Variants in ACCSL observed in about 807,000 individuals in gnomAD.
The protein encoded by ACCSL is 1-aminocyclopropane-1-carboxylate synthase homolog (inactive) like, also known as probable inactive 1-aminocyclopropane-1-carboxylate synthase-like protein 2.
ACCSL carries 55 observed loss-of-function variants against 61.7 expected under a neutral mutation model. The observed-to-expected ratio is 0.89, with a 90% CI of 0.72 to 1.12. The LOEUF is 1.12. Ranked by LOEUF, ACCSL falls within the 50% of genes most tolerant of loss-of-function variation. The probability of loss-of-function intolerance (pLI) is 0.00; values close to 1 mark genes in which losing one functional copy is unlikely to be tolerated. For synonymous variants in ACCSL, 258 were observed against 264.3 expected, an observed-to-expected ratio of 0.98 and a Z score of 0.23; for missense variants, 632 against 698.0, an observed-to-expected ratio of 0.91 and a Z score of 1.07.
At chr11:43,970,529 G>A in the ACCSL span, among the ~76,000 whole-genome samples, 2 of 152,270 alleles carry the variant, frequency 1.3e-5, no homozygotes, top group African/African-American at 2.4e-5. Flanking sequence ...GAGAACATAC[G>A]TCTCATTCCT....
chr11:43,935,693 A>G, the ACCSL span, among the ~76,000 whole-genome samples: 163 of 152,260 alleles, frequency 1.1e-3, no homozygotes, highest in African/African-American at 3.8e-3. Context: ...CTATGTTACT[A>G]TGTTGCTCAG....
At chr11:44,015,536 G>C in the ACCSL span, among the ~76,000 whole-genome samples, 1 of 152,224 alleles carries the variant, frequency 6.6e-6, no homozygotes, top group East Asian at 1.9e-4. Context: ...ACAAGACGCC[G>C]GCCCAAGACA....
At chr11:43,929,726 G>A in the ACCSL span, among the ~76,000 whole-genome samples, 72 of 152,236 alleles carry the variant, frequency 4.7e-4, no homozygotes, top group South Asian at 0.014. Context: ...TAAATTTTTT[G>A]TAGAGATGAG....
the ACCSL span, among the ~76,000 whole-genome samples, chr11:43,988,992 T>C: frequency 6.6e-6 from 1 of 151,938 alleles, no homozygotes; most frequent in Non-Finnish European, 1.5e-5. Context: ...GGTGTGACAG[T>C]GCGAAAGATT....
the ACCSL span, among the ~76,000 whole-genome samples, chr11:44,030,281 C>T: frequency 5.3e-5 from 8 of 151,326 alleles, no homozygotes; most frequent in African/African-American, 1.9e-4. Flanking sequence ...TTTCTTTCTC[C>T]CCTTCACTAC....
the ACCSL span, chr11:43,974,068 T>A: frequency 6.6e-6 from 1 of 152,218 alleles, no homozygotes; most frequent in African/African-American, 2.4e-5. Flanking sequence ...CTGAGAACAA[T>A]GCTTGGCAAA....
At chr11:44,031,038 T>C in the ACCSL span, among the ~76,000 whole-genome samples, 1 of 152,174 alleles carries the variant, frequency 6.6e-6, no homozygotes, top group Non-Finnish European at 1.5e-5. Flanking sequence ...CTGACTGTTG[T>C]TTCCCTCCAT....
the ACCSL span, among the ~76,000 whole-genome samples, chr11:43,992,728 AC>A: frequency 6.6e-6 from 1 of 152,232 alleles, no homozygotes; most frequent in Admixed American, 6.5e-5. Flanking sequence ...CAGATATATG[AC>A]CTGAGTGTCA....
chr11:43,949,128 GC>G, the ACCSL span, among the ~76,000 whole-genome samples: 1 of 152,200 alleles, frequency 6.6e-6, no homozygotes, highest in Admixed American at 6.5e-5. Flanking sequence ...CTGCACACAG[GC>G]ATGACTCCTT....
At chr11:43,984,944 G>C in the ACCSL span, among the ~76,000 whole-genome samples, 1 of 152,252 alleles carries the variant, frequency 6.6e-6, no homozygotes, top group Non-Finnish European at 1.5e-5. Context: ...AGTATGCCAG[G>C]GAGGGCTGGG....
chr11:43,988,806 C>CTTTTTTTT, the ACCSL span, among the ~76,000 whole-genome samples: 2 of 97,236 alleles, frequency 2.1e-5, no homozygotes, highest in East Asian at 4.9e-4. Context: ...ATTCTCTCTT[C>CTTTTTTTT]TTTTTTTTTT....
chr11:43,942,797 C>T, the ACCSL span: 32 of 769,944 alleles, frequency 4.2e-5, no homozygotes, highest in African/African-American at 5.7e-5. Context: ...TTTGGATCCC[C>T]CGCCCGGCGA....
chr11:43,926,334 C>T, the ACCSL span: 53 of 299,334 alleles, frequency 1.8e-4, no homozygotes, highest in Non-Finnish European at 3.2e-4. Context: ...GTGCCTTGTC[C>T]CCTTGGGGTC....
At chr11:43,989,902 G>A in the ACCSL span, among the ~76,000 whole-genome samples, 15 of 152,230 alleles carry the variant, frequency 9.9e-5, no homozygotes, top group Non-Finnish European at 1.9e-4. Context: ...TGGCGGCCCC[G>A]CCAAGAGGTC....
At chr11:43,941,187 C>T in the ACCSL span, among the ~76,000 whole-genome samples, 1 of 152,180 alleles carries the variant, frequency 6.6e-6, no homozygotes, top group South Asian at 2.1e-4. Flanking sequence ...TCTGAGCAGC[C>T]TTTCCTGGTC....
the ACCSL span, among the ~76,000 whole-genome samples, chr11:44,029,083 C>T: frequency 5.9e-5 from 9 of 152,340 alleles, no homozygotes; most frequent in East Asian, 1.9e-4. Context: ...TATCTGGCCC[C>T]GCCATTGTGC....
At chr11:44,024,441 C>CTCTCTCTCTGTGTG in the ACCSL span, among the ~76,000 whole-genome samples, 1 of 132,014 alleles carries the variant, frequency 7.6e-6, no homozygotes, top group Non-Finnish European at 1.6e-5. Flanking sequence ...CTCTCTCTCT[C>CTCTCTCTCTGTGTG]TGTGTGTGTG....
At chr11:44,040,019 A>G in the ACCSL span, among the ~76,000 whole-genome samples, 1 of 152,256 alleles carries the variant, frequency 6.6e-6, no homozygotes, top group Non-Finnish European at 1.5e-5. Flanking sequence ...TGAAAACCAG[A>G]AAGGCTAGGT....
the ACCSL span, among the ~76,000 whole-genome samples, chr11:44,000,453 T>C: frequency 8.4e-4 from 125 of 149,260 alleles, no homozygotes; most frequent in East Asian, 5.9e-3. Context: ...AAAAAAAGCC[T>C]GTTGCAGTGT....
Sources: allele counts gnomAD v4.1 joint callset (sites outside exome capture counted in the v4.1 genomes callset), GRCh38; gene constraint gnomAD v4.1.1; transcripts MANE v1.5; gene names NCBI Gene and HGNC (gene_info 2026-07-23, HGNC 2026-07-21).